The following ERC2 variants were observed in gnomAD, a reference collection of about 807,000 sequenced individuals.
ERC2 encodes the protein ERC protein 2.
A neutral mutation model predicts 114.8 loss-of-function variants in ERC2; 42 were observed. The ratio of observed to expected loss-of-function variants is 0.37; its 90% confidence interval spans 0.29 to 0.47. ERC2 has a LOEUF of 0.47. Among genes scored for constraint, ERC2 ranks in the 20% least tolerant of loss-of-function variants. The pLI, the probability that ERC2 is intolerant of heterozygous loss-of-function variation, is 0.99. For synonymous variants in ERC2, 454 were observed against 425.5 expected (o/e 1.07, Z -0.82); for missense variants, 939 against 1,150.7 (o/e 0.82, Z 2.66).
chr3:56,224,134 G>A (rs1332995723), intron 3 of ERC2, among the ~76,000 whole-genome samples: 2 of 152,174 alleles, frequency 1.3e-5, no homozygotes, highest in Non-Finnish European at 2.9e-5. Flanking sequence ...CCAAAGGCTG[G>A]CTAGAGTGTG....
rs151177245 is a variant in ERC2 at position 55,659,713 on chromosome 3, C to T, written c.*39+24081G>A. Among the ~76,000 whole-genome samples the T allele has an allele frequency of 8.3e-4, 127 of 152,224 alleles. 1 individual carries two copies. The highest frequency in any genetic ancestry group is 4.3e-3 in the Admixed American group (65 of 15,292). The stretch of plus-strand genomic sequence containing the variant: ...AAGGCTTTCTGACCTCAGTCTCAAC[C>T]GATAGCCTGTTTGCCTCCTATACTC... On this transcript the variant is annotated intron_variant, in intron 17 of 17. Transcript: ENST00000288221.
chr3:55,919,880 T>A (rs949448249), intron 13 of ERC2, among the ~76,000 whole-genome samples: 1 of 152,126 alleles, frequency 6.6e-6, no homozygotes, highest in African/African-American at 2.4e-5. Context: ...CTCCTGTGCG[T>A]TCAAGGAATA....
intron 13 of ERC2, among the ~76,000 whole-genome samples, chr3:55,926,538 C>G (rs144088718): frequency 3.9e-5 from 6 of 152,180 alleles, no homozygotes; most frequent in African/African-American, 1.4e-4. Context: ...TCCAGTTTCA[C>G]CTGTGAAATG....
At chr3:56,130,713 C>G (rs1409869330) in intron 6 of ERC2, among the ~76,000 whole-genome samples, 1 of 152,148 alleles carries the variant, frequency 6.6e-6, no homozygotes, top group Admixed American at 6.5e-5. Context: ...TCCCTTCCAT[C>G]ACATTTCAAT....
chr3:55,682,521 C>G (rs1358764839), intron 17 of ERC2, among the ~76,000 whole-genome samples: 1 of 152,184 alleles, frequency 6.6e-6, no homozygotes, highest in Non-Finnish European at 1.5e-5. Context: ...GGACATGTAA[C>G]AGGTTCAACT....
chr3:56,223,801 A>G (rs978964699), intron 3 of ERC2, among the ~76,000 whole-genome samples: 5 of 152,182 alleles, frequency 3.3e-5, no homozygotes, highest in Non-Finnish European at 7.4e-5. Context: ...AATTACTTGC[A>G]GTATTTTCCT....
At position 55,877,142 on chromosome 3, in the gene ERC2, GA is replaced by G. The variant is rs1197887824; in HGVS notation, c.2564+11246del. ...TCAGTACCACTGGTATTTTGGGCCA[GA>G]AAATTCTTTGTTGTTGGGGCTGCCT... On this transcript the variant is annotated intron_variant, in intron 14 of 17. Transcript: ENST00000288221. Among the ~76,000 whole-genome samples the G allele has an allele frequency of 2.0e-5, 3 of 152,192 alleles. No homozygotes were observed. In the East Asian group the frequency reaches 5.8e-4, roughly 29 times the overall value.
chr3:55,801,042 G>A (rs1418506591), intron 14 of ERC2, among the ~76,000 whole-genome samples: 1 of 152,134 alleles, frequency 6.6e-6, no homozygotes, highest in Admixed American at 6.5e-5. Flanking sequence ...CTAGGTTCTT[G>A]AACAACCCAT....
chr3:56,212,841 C>T (rs561806141), intron 3 of ERC2, among the ~76,000 whole-genome samples: 1 of 151,978 alleles, frequency 6.6e-6, no homozygotes, highest in Non-Finnish European at 1.5e-5. Flanking sequence ...TGGAATAGTA[C>T]TCAGCCATGA....
At chr3:55,943,649 T>C (rs2066952099) in intron 13 of ERC2, among the ~76,000 whole-genome samples, 1 of 152,140 alleles carries the variant, frequency 6.6e-6, no homozygotes, top group Non-Finnish European at 1.5e-5. Flanking sequence ...CTACCAATCC[T>C]CAAGGCCAGA....
chr3:56,234,811 C>A (rs2050838759), intron 3 of ERC2, among the ~76,000 whole-genome samples: 1 of 151,984 alleles, frequency 6.6e-6, no homozygotes, highest in South Asian at 2.1e-4. Flanking sequence ...TAAGAAACTC[C>A]TGTGAGAACA....
chr3:55,920,044 A>G (rs964788161), intron 13 of ERC2, among the ~76,000 whole-genome samples: 7 of 152,148 alleles, frequency 4.6e-5, no homozygotes, highest in African/African-American at 1.7e-4. Context: ...AAAATAGTCT[A>G]CATTGGTTAG....
At chr3:56,400,729 C>T (rs989472003) in intron 2 of ERC2, among the ~76,000 whole-genome samples, 2 of 152,172 alleles carry the variant, frequency 1.3e-5, no homozygotes, top group Non-Finnish European at 2.9e-5. Context: ...TAATGAATGA[C>T]TTTGCTAATA....
At chr3:55,747,564 T>C (rs4491866) in intron 14 of ERC2, among the ~76,000 whole-genome samples, 90,710 of 152,140 alleles carry the variant, frequency 0.6, 27,430 homozygotes, top group South Asian at 0.7. Flanking sequence ...TTATAATAGT[T>C]CTGTGTTGGG....
intron 1 of ERC2, among the ~76,000 whole-genome samples, chr3:56,465,151 C>A (rs1308904716): frequency 1.3e-5 from 2 of 152,214 alleles, no homozygotes; most frequent in East Asian, 1.9e-4. Flanking sequence ...GTAATGCCAG[C>A]ACTTTGGGAG....
intron 2 of ERC2, among the ~76,000 whole-genome samples, chr3:56,311,196 A>G (rs1378056263): frequency 1.4e-5 from 2 of 145,888 alleles, no homozygotes; most frequent in Admixed American, 6.9e-5. Flanking sequence ...ATAATTTGTA[A>G]AGATGAAATC....
intron 2 of ERC2, among the ~76,000 whole-genome samples, chr3:56,381,472 G>GA (rs1310834982): frequency 6.0e-5 from 9 of 151,000 alleles, no homozygotes; most frequent in South Asian, 2.1e-4. Context: ...GCATTCAGCT[G>GA]AAAAAAAAAT....
At chr3:55,647,625 G>T (rs563793658) in intron 17 of ERC2, among the ~76,000 whole-genome samples, 5 of 152,092 alleles carry the variant, frequency 3.3e-5, no homozygotes, top group African/African-American at 1.2e-4. Context: ...ATATCTTTAC[G>T]TAGACTTAAA....
At chr3:55,937,676 G>T (rs1236032719) in intron 13 of ERC2, among the ~76,000 whole-genome samples, 1 of 152,176 alleles carries the variant, frequency 6.6e-6, no homozygotes, top group African/African-American at 2.4e-5. Flanking sequence ...AGCACATGTT[G>T]TGTAATAAAT....
Sources: allele counts gnomAD v4.1 joint callset (sites outside exome capture counted in the v4.1 genomes callset), GRCh38; gene constraint gnomAD v4.1.1; transcripts MANE v1.5; gene names NCBI Gene and HGNC (gene_info 2026-07-23, HGNC 2026-07-21).